EPS15L1: variants seen among roughly 807,000 people sequenced by gnomAD.
EPS15L1 encodes the protein epidermal growth factor receptor pathway substrate 15 like 1.
A neutral mutation model predicts 117.1 loss-of-function variants in EPS15L1; 43 were observed. That is an observed-to-expected ratio of 0.37 (90% CI 0.29 to 0.47). The LOEUF is 0.47. EPS15L1 is among the 20% of genes least tolerant of loss of function. EPS15L1 has a pLI of 0.99. For synonymous variants in EPS15L1, 459 were observed against 470.5 expected (o/e 0.98, Z 0.32); for missense variants, 981 against 1,164.0 (o/e 0.84, Z 2.29).
At chr19:16,393,851 G>T in intron 18 of EPS15L1, 100 bp downstream of exon 18, 1 of 1,182,506 alleles carries the variant, frequency 8.5e-7, no homozygotes, top group Non-Finnish European at 1.3e-6. Context: ...TTACATGGCT[G>T]CCATCCCCGG....
chr19:16,438,169 A>G (rs575126448), intron 4 of EPS15L1, among the ~76,000 whole-genome samples: 1 of 152,260 alleles, frequency 6.6e-6, no homozygotes, highest in African/African-American at 2.4e-5. Context: ...CCTGGCCAAC[A>G]TGGCGAAACC....
chr19:16,378,616 C>T (rs1042706054), intron 21 of EPS15L1, among the ~76,000 whole-genome samples: 4 of 152,066 alleles, frequency 2.6e-5, no homozygotes, highest in Non-Finnish European at 2.9e-5. Context: ...GTCCTCTCCC[C>T]GGCACCTGCT....
rs1228687633 is a variant in EPS15L1 at position 16,370,069 on chromosome 19, C to T, written c.2380+7053G>A. ...CAAGATCCCTGAGAACGCCGTGCAG[C>T]GAGTCTGAAAGCTGGTTAGGGGTCG... is the stretch of plus-strand genomic sequence containing the variant. On this transcript the variant is annotated intron_variant, in intron 22 of 23. Transcript: ENST00000455140. The surrounding 1 kb of genome is among the most constrained non-coding windows in gnomAD (Gnocchi z 5.2). 1.3e-5 allele frequency among the ~76,000 whole-genome samples: 2 copies of T among 152,176 alleles called. No homozygotes were observed. Among genetic ancestry groups the T allele is most frequent in the South Asian group, 2.1e-4 (1 of 4,830 alleles).
At chr19:16,408,706 T>C (rs1041080416) in intron 13 of EPS15L1, among the ~76,000 whole-genome samples, 1 of 151,252 alleles carries the variant, frequency 6.6e-6, no homozygotes, top group African/African-American at 2.4e-5. Flanking sequence ...AGAATAGCCA[T>C]GACAACCCTG....
intron 12 of EPS15L1, among the ~76,000 whole-genome samples, chr19:16,414,835 G>A (rs1047155714): frequency 1.3e-5 from 2 of 151,166 alleles, no homozygotes; most frequent in Non-Finnish European, 2.9e-5. Context: ...TTAGCCTCCT[G>A]AGTAGCTAGG....
intron 7 of EPS15L1, among the ~76,000 whole-genome samples, chr19:16,430,058 G>A (rs1191633423): frequency 6.6e-6 from 1 of 152,198 alleles, no homozygotes; most frequent in Non-Finnish European, 1.5e-5. Context: ...GGGAGCTGTG[G>A]CCCTAACTGG....
intron 6 of EPS15L1, 22 bp from the exon 7 acceptor site, chr19:16,434,512 G>A (rs75992807): frequency 1.2e-5 from 19 of 1,607,636 alleles, no homozygotes; most frequent in East Asian, 2.2e-5. Context: ...GAAATAGCCC[G>A]AGTAAGTAGG....
At position 16,386,106 on chromosome 19, in the gene EPS15L1, A is replaced by G. The variant is rs142631693; in HGVS notation, c.2164+65T>C. The G allele has an allele frequency of 1.1e-4, 137 of 1,253,484 alleles. No individual in the cohort carries two copies. In the Middle Eastern group the frequency reaches 4.0e-3, roughly 36 times the overall value. 77.6% of individuals were successfully genotyped at this position (1,253,484 alleles called of 1,614,324 possible). On this transcript the variant is annotated intron_variant, in intron 20 of 23. Transcript: ENST00000455140. ...GCTGGCTTTGGGAGTGAAAGTGTTA[A>G]CTGCGGGGGAGCTCTGCTACTGCCC...
chr19:16,451,787 C>T (rs2093146442), intron 1 of EPS15L1, among the ~76,000 whole-genome samples: 1 of 150,342 alleles, frequency 6.7e-6, no homozygotes, highest in Non-Finnish European at 1.5e-5. Flanking sequence ...CCTCGGCCTG[C>T]CAGAGTGCTG....
chr19:16,387,752 C>T (rs942252573), intron 19 of EPS15L1, among the ~76,000 whole-genome samples: 1 of 151,898 alleles, frequency 6.6e-6, no homozygotes, highest in East Asian at 1.9e-4. Flanking sequence ...GGCGAAAGAG[C>T]GAGACTCTGT....
chr19:16,445,411 G>C (rs79083128), intron 1 of EPS15L1, among the ~76,000 whole-genome samples: 12,396 of 152,204 alleles, frequency 0.081, 598 homozygotes, highest in Non-Finnish European at 0.11. Context: ...GTGGTCAGAG[G>C]TTTTGATCTA....
intron 13 of EPS15L1, chr19:16,413,532 G>A (rs1161496197): frequency 1.8e-5 from 13 of 720,494 alleles, no homozygotes; most frequent in South Asian, 1.7e-4. Flanking sequence ...CTACACCAGA[G>A]TCTCCATGCA....
chr19:16,467,768 G>A (rs562647609), intron 1 of EPS15L1, among the ~76,000 whole-genome samples: 4 of 152,322 alleles, frequency 2.6e-5, no homozygotes, highest in East Asian at 1.9e-4. Context: ...CACACTGGCC[G>A]GGTGCTGCTC....
At chr19:16,384,083 TG>T (rs1165218554) in intron 21 of EPS15L1, 1 of 152,376 alleles carries the variant, frequency 6.6e-6, no homozygotes, top group East Asian at 1.9e-4. Flanking sequence ...GGCTGTGTTC[TG>T]CTTGTGGCTA....
chr19:16,378,437 G>C (rs1107956), intron 21 of EPS15L1, among the ~76,000 whole-genome samples: 7,791 of 151,880 alleles, frequency 0.051, 480 homozygotes, highest in African/African-American at 0.14. Context: ...GGCCCACCTC[G>C]TCCACCAGGA....
chr19:16,355,476 C>G lies in EPS15L1; in HGVS notation c.*229G>C. On this transcript the variant is annotated 3_prime_UTR_variant, in exon 24 of 24. Transcript: ENST00000455140. Reference sequence around the variant, plus strand: ...GCAGTCAGCCCCGGGGGGGATGGCACAGTGGAGAGACGGACCTGCAGAAGT... The same window carrying G: ...GCAGTCAGCCCCGGGGGGGATGGCAGAGTGGAGAGACGGACCTGCAGAAGT... 1.9e-6 allele frequency: 1 copy of G among 525,490 alleles called. No individual in the cohort carries two copies. Among genetic ancestry groups the G allele is most frequent in the African/African-American group, 1.9e-5 (1 of 52,854 alleles). 32.6% of individuals were successfully genotyped at this position (525,490 alleles called of 1,614,324 possible).
Position 16,371,336 on chromosome 19 carries a change from AC to A in EPS15L1, c.2380+5785del, listed in dbSNP as rs544902787. On this transcript the variant is annotated intron_variant, in intron 22 of 23. Transcript: ENST00000455140. This position sits in a 1 kb window ranked among gnomAD's most constrained non-coding sequence, Gnocchi z 4.7. The stretch of plus-strand genomic sequence containing the variant: ...CACGGCCACCCTGGGTGGATGCCAC[AC>A]ACAGGTACGGGAGGGGCTTGTTTGC... 4.6e-5 allele frequency among the ~76,000 whole-genome samples: 7 copies of A among 152,306 alleles called. No individual in the cohort carries two copies. The highest frequency in any genetic ancestry group is 1.0e-4 in the Non-Finnish European group (7 of 68,008).
At chr19:16,431,433 C>T (rs183818439) in intron 7 of EPS15L1, among the ~76,000 whole-genome samples, 3 of 151,090 alleles carry the variant, frequency 2.0e-5, no homozygotes, top group East Asian at 2.0e-4. Flanking sequence ...CTTCCCGAGT[C>T]GCTGGGACTA....
At chr19:16,385,084 C>A in intron 21 of EPS15L1, 45 bp downstream of exon 21, 1 of 1,480,948 alleles carries the variant, frequency 6.8e-7, no homozygotes, top group Non-Finnish European at 9.4e-7. Flanking sequence ...ACAAGAGGCA[C>A]AAAGACACTA....
Sources: allele counts gnomAD v4.1 joint callset (sites outside exome capture counted in the v4.1 genomes callset), GRCh38; gene constraint gnomAD v4.1.1; non-coding constraint Gnocchi (gnomAD v3.1); transcripts MANE v1.5; gene names NCBI Gene and HGNC (gene_info 2026-07-23, HGNC 2026-07-21).